The following PARD3 variants were observed in gnomAD, a reference collection of about 807,000 sequenced individuals.
PARD3 encodes partitioning defective 3 homolog.
A neutral mutation model predicts 155.4 loss-of-function variants in PARD3; 75 were observed. The observed-to-expected ratio is 0.48, with a 90% CI of 0.40 to 0.58. The LOEUF (loss-of-function observed/expected upper bound fraction) is 0.58. Ranked by LOEUF, PARD3 falls within the 20% of genes least tolerant of loss-of-function variation. The pLI, the probability that PARD3 is intolerant of heterozygous loss-of-function variation, is 0.00. For synonymous variants in PARD3, 576 were observed against 610.5 expected (o/e 0.94, Z 0.83); for missense variants, 1,642 against 1,721.7 (o/e 0.95, Z 0.82).
intron 12 of PARD3, among the ~76,000 whole-genome samples, chr10:34,362,995 A>G (rs1839603624): frequency 6.6e-6 from 1 of 152,232 alleles, no homozygotes; most frequent in Non-Finnish European, 1.5e-5. Context: ...AAGCATGGAA[A>G]AGCTACATTT....
chr10:34,365,509 A>G (rs934041317), intron 12 of PARD3, among the ~76,000 whole-genome samples: 1 of 152,200 alleles, frequency 6.6e-6, no homozygotes, highest in Admixed American at 6.5e-5. Context: ...TGCCTGGGGC[A>G]TGACATTTAT....
At chr10:34,544,760 T>C (rs76477547) in intron 2 of PARD3, among the ~76,000 whole-genome samples, 2,464 of 152,338 alleles carry the variant, frequency 0.016, 73 homozygotes, top group African/African-American at 0.055. Context: ...ACAGTATCTA[T>C]GAAGACTTGC....
chr10:34,517,207 A>G, intron 2 of PARD3, 48 bp from the exon 3 acceptor site: 5 of 1,546,300 alleles, frequency 3.2e-6, no homozygotes, highest in Middle Eastern at 1.8e-4. Flanking sequence ...GCACTTAATT[A>G]ACTACCAAAA....
intron 22 of PARD3, among the ~76,000 whole-genome samples, chr10:34,164,438 A>T (rs1162957177): frequency 6.6e-6 from 1 of 152,254 alleles, no homozygotes; most frequent in Non-Finnish European, 1.5e-5. Flanking sequence ...ATAAGAATAC[A>T]TTTATAACAA....
chr10:34,301,498 C>A (rs1957142953), intron 20 of PARD3, among the ~76,000 whole-genome samples: 1 of 152,134 alleles, frequency 6.6e-6, no homozygotes, highest in African/African-American at 2.4e-5. Flanking sequence ...TTCAAAGGGG[C>A]CTTAGAACTC....
At chr10:34,599,050 G>C (rs1342396534) in intron 2 of PARD3, among the ~76,000 whole-genome samples, 2 of 152,006 alleles carry the variant, frequency 1.3e-5, no homozygotes, top group African/African-American at 4.8e-5. Context: ...ATCAACACAA[G>C]GGTCATGCCT....
At chr10:34,692,646 G>A (rs1311631433) in intron 2 of PARD3, among the ~76,000 whole-genome samples, 1 of 152,142 alleles carries the variant, frequency 6.6e-6, no homozygotes, top group East Asian at 1.9e-4. Context: ...AGGCCAAGGA[G>A]GGTGGATCAC....
chr10:34,758,832 G>A (rs548553122), intron 1 of PARD3, among the ~76,000 whole-genome samples: 6 of 152,306 alleles, frequency 3.9e-5, no homozygotes, highest in South Asian at 2.1e-4. Flanking sequence ...CGGATGACAA[G>A]GAAGGTTTAA....
chr10:34,655,734 G>A (rs1373604895), intron 2 of PARD3, among the ~76,000 whole-genome samples: 1 of 152,136 alleles, frequency 6.6e-6, no homozygotes, highest in African/African-American at 2.4e-5. Flanking sequence ...AGAGCCTGGA[G>A]GATGACAATA....
At chr10:34,672,953 CTT>C (rs1025273411) in intron 2 of PARD3, among the ~76,000 whole-genome samples, 1 of 152,154 alleles carries the variant, frequency 6.6e-6, no homozygotes, top group Non-Finnish European at 1.5e-5. Context: ...ATTCAGCAGT[CTT>C]TTTTGTTGTT....
chr10:34,704,552 T>C (rs997775907), intron 1 of PARD3, among the ~76,000 whole-genome samples: 1 of 152,132 alleles, frequency 6.6e-6, no homozygotes, highest in Non-Finnish European at 1.5e-5. Flanking sequence ...AAACCTTCCA[T>C]GTTAACTCAA....
At chr10:34,603,306 A>C (rs1205359529) in intron 2 of PARD3, among the ~76,000 whole-genome samples, 1 of 152,222 alleles carries the variant, frequency 6.6e-6, no homozygotes, top group Non-Finnish European at 1.5e-5. Flanking sequence ...GTGTCCCTTA[A>C]GAGCTCATCT....
chr10:34,498,080 T>C (rs1272369598), intron 3 of PARD3, among the ~76,000 whole-genome samples: 2 of 152,040 alleles, frequency 1.3e-5, no homozygotes, highest in African/African-American at 4.8e-5. Flanking sequence ...TATAAGATGT[T>C]CAAAAAGATT....
At chr10:34,352,632 C>G (rs1200474954) in intron 14 of PARD3, among the ~76,000 whole-genome samples, 2 of 152,250 alleles carry the variant, frequency 1.3e-5, no homozygotes, top group African/African-American at 4.8e-5. Flanking sequence ...CAGACGGAGT[C>G]TCGCTCACTC....
At chr10:34,285,034 T>G (rs1448576908) in intron 20 of PARD3, among the ~76,000 whole-genome samples, 1 of 152,198 alleles carries the variant, frequency 6.6e-6, no homozygotes, top group Non-Finnish European at 1.5e-5. Flanking sequence ...AAACTTGGTA[T>G]CAATTCCTTT....
At chr10:34,705,959 T>C (rs1052510037) in intron 1 of PARD3, among the ~76,000 whole-genome samples, 6 of 152,160 alleles carry the variant, frequency 3.9e-5, no homozygotes, top group African/African-American at 1.4e-4. Flanking sequence ...CATTATTCAA[T>C]AATATGAGAA....
At chr10:34,657,754 G>A (rs1020238657) in intron 2 of PARD3, among the ~76,000 whole-genome samples, 1 of 151,972 alleles carries the variant, frequency 6.6e-6, no homozygotes, top group African/African-American at 2.4e-5. Flanking sequence ...GGCCAAGCTG[G>A]TCTCAAATTC....
chr10:34,290,573 C>T (rs987370008), intron 20 of PARD3, among the ~76,000 whole-genome samples: 2 of 152,174 alleles, frequency 1.3e-5, no homozygotes, highest in African/African-American at 4.8e-5. Flanking sequence ...TCTGCAAATG[C>T]CCAACTCCTG....
intron 22 of PARD3, among the ~76,000 whole-genome samples, chr10:34,246,429 C>A (rs1275290766): frequency 6.6e-6 from 1 of 152,180 alleles, no homozygotes; most frequent in East Asian, 1.9e-4. Context: ...ATCACCTTGG[C>A]TTTCTGGGCA....
Sources: allele counts gnomAD v4.1 joint callset (sites outside exome capture counted in the v4.1 genomes callset), GRCh38; gene constraint gnomAD v4.1.1; transcripts MANE v1.5; gene names NCBI Gene and HGNC (gene_info 2026-07-23, HGNC 2026-07-21).